CCDC40: variants seen among roughly 807,000 people sequenced by gnomAD.
CCDC40 encodes coiled-coil domain-containing protein 40.
CCDC40 carries 104 observed loss-of-function variants against 124.5 expected under a neutral mutation model. That is an observed-to-expected ratio of 0.84 (90% CI 0.71 to 0.98). The LOEUF (loss-of-function observed/expected upper bound fraction) is 0.98. Ranked by LOEUF, CCDC40 falls within the 50% of genes least tolerant of loss-of-function variation. The pLI is 0.00. For missense variants in CCDC40, 1,463 were observed against 1,503.9 expected (o/e 0.97, Z 0.45); for synonymous variants, 580 against 602.9 (o/e 0.96, Z 0.56).
chr17:80,046,532 CAAT>C (rs60431250), intron 3 of CCDC40, among the ~76,000 whole-genome samples: 29 of 147,340 alleles, frequency 2.0e-4, no homozygotes, highest in South Asian at 4.4e-4. Context: ...GACCCTTACT[CAAT>C]AATAATAATA....
intron 9 of CCDC40, among the ~76,000 whole-genome samples, chr17:80,064,114 G>A (rs969959390): frequency 2.6e-5 from 4 of 152,126 alleles, no homozygotes; most frequent in African/African-American, 9.7e-5. Flanking sequence ...CCCCCTCATC[G>A]TGGTATACTT....
At chr17:80,091,089 C>T (rs573933269) in intron 17 of CCDC40, among the ~76,000 whole-genome samples, 1 of 152,320 alleles carries the variant, frequency 6.6e-6, no homozygotes, top group African/African-American at 2.4e-5. Flanking sequence ...TCTCGGATCT[C>T]ACACAAATGC....
chr17:80,078,877 A>T (rs906192136), intron 10 of CCDC40, among the ~76,000 whole-genome samples: 1 of 152,030 alleles, frequency 6.6e-6, no homozygotes, highest in Non-Finnish European at 1.5e-5. Flanking sequence ...TTGAGGCCTT[A>T]ATAATATTAA....
intron 10 of CCDC40, 141 bp downstream of exon 10, chr17:80,065,747 C>A: frequency 1.8e-6 from 2 of 1,123,482 alleles, no homozygotes; most frequent in Non-Finnish European, 2.6e-6. Flanking sequence ...GGCTTCCGTC[C>A]GGAAAGCTCC....
At position 80,049,999 on chromosome 17, in the gene CCDC40, C is replaced by T. The variant is rs746953032; in HGVS notation, c.939+10C>T. On this transcript the variant is annotated intron_variant, in intron 6 of 19. Coordinates refer to ENST00000397545, the MANE Select transcript of CCDC40 (RefSeq NM_017950.4). ...GGACCTCCAAGAGCTGGTGTGTATC[C>T]GTCCAGTCTCCCACCCTGGTCGGAT... is the stretch of plus-strand genomic sequence containing the variant. 8 of 1,613,644 alleles carry T rather than the reference C, an allele frequency of 5.0e-6. No individual in the cohort carries two copies. The highest frequency in any genetic ancestry group is 1.7e-5 in the Admixed American group (1 of 60,000).
At chr17:80,063,856 G>A (rs2037966723) in intron 9 of CCDC40, among the ~76,000 whole-genome samples, 1 of 152,150 alleles carries the variant, frequency 6.6e-6, no homozygotes, top group Non-Finnish European at 1.5e-5. Flanking sequence ...GGTTTTGAAT[G>A]TTCCCAACTC....
chr17:80,048,561 G>A, intron 4 of CCDC40, 22 bp from the exon 5 acceptor site: 1 of 1,603,658 alleles, frequency 6.2e-7, no homozygotes, highest in Non-Finnish European at 8.5e-7. Context: ...CTCCTCAATG[G>A]TGTCGCTGTC....
intron 17 of CCDC40, chr17:80,090,544 T>C (rs1281572365): frequency 9.9e-6 from 15 of 1,515,718 alleles, no homozygotes; most frequent in Non-Finnish European, 1.3e-5. Context: ...CACAGCACGC[T>C]GGTATTTTTA....
At chr17:80,037,869 T>C (rs1598472568) in intron 1 of CCDC40, 17 of 399,114 alleles carry the variant, frequency 4.3e-5, no homozygotes, top group South Asian at 3.4e-4. Context: ...GATCTAATCC[T>C]GCTGTTCCTT....
chr17:80,078,038 C>T (rs1344783801), intron 10 of CCDC40, among the ~76,000 whole-genome samples: 2 of 152,074 alleles, frequency 1.3e-5, no homozygotes, highest in African/African-American at 4.8e-5. Context: ...TAAGAAATCT[C>T]TAAGGGTCAG....
chr17:80,088,851 C>T (rs1159934420), intron 16 of CCDC40, among the ~76,000 whole-genome samples: 2 of 152,162 alleles, frequency 1.3e-5, no homozygotes, highest in Admixed American at 1.3e-4. Context: ...GGAACCCACC[C>T]TAGTGGATCC....
rs762301710 is a variant in CCDC40, at chr17:80,084,973, G to T, written c.2220G>T (p.Met740Ile). Reference sequence around the variant, plus strand: ...TCCTCAACAAGCAGCTGGAGCGGATGGTCTCCGAGCTGGGGGTGAGGTCCC... The same window carrying T: ...TCCTCAACAAGCAGCTGGAGCGGATTGTCTCCGAGCTGGGGGTGAGGTCCC... ...INFLNKQLERMVSELGGEEVG... is the reference protein window; with the variant it reads ...INFLNKQLERIVSELGGEEVG... The change falls in exon 13 of 20, where the codon ATG (methionine) becomes ATT (isoleucine). Residue 740 changes from methionine to isoleucine, a missense_variant. Transcript: ENST00000397545. The T allele has an allele frequency of 6.2e-7, 1 of 1,613,744 alleles. No homozygotes were observed. Among genetic ancestry groups the T allele is most frequent in the South Asian group, 1.1e-5 (1 of 91,062 alleles).
At chr17:80,072,410 C>G (rs1347642144) in intron 10 of CCDC40, among the ~76,000 whole-genome samples, 1 of 152,150 alleles carries the variant, frequency 6.6e-6, no homozygotes, top group Admixed American at 6.5e-5. Flanking sequence ...CTCAGGCACA[C>G]ATTTCCCCGA....
chr17:80,090,674 C>G lies in CCDC40; in HGVS notation c.2832+790C>G, dbSNP rs1011938284. On this transcript the variant is annotated intron_variant, in intron 17 of 19. Coordinates refer to ENST00000397545, the MANE Select transcript of CCDC40 (RefSeq NM_017950.4). ...CTCATCCTTCACAGCCGCGTTGTCT[C>G]TCCATGGTCACAATTAGATTTCATT... is the stretch of plus-strand genomic sequence containing the variant. 1.3e-5 allele frequency: 18 copies of G among 1,431,764 alleles called. No individual in the cohort carries two copies. The African/African-American group carries it at 2.4e-4, about 19-fold the overall frequency. The allele number at this position is 1,431,764 out of a possible 1,614,324, so 88.7% of individuals were successfully genotyped here.
intron 9 of CCDC40, among the ~76,000 whole-genome samples, chr17:80,063,161 C>T (rs1423476022): frequency 1.3e-5 from 2 of 151,816 alleles, no homozygotes; most frequent in Non-Finnish European, 2.9e-5. Flanking sequence ...TGCCATTTTG[C>T]TCCAGCCTGG....
In CCDC40 at chr17:80,050,531, C is replaced by G. The variant is rs1335243413; in HGVS notation, c.1159+248C>G. 2.6e-5 allele frequency among the ~76,000 whole-genome samples: 4 copies of G among 152,202 alleles called. No homozygotes were observed. The South Asian group carries it at 8.3e-4, about 31-fold the overall frequency. On this transcript the variant is annotated intron_variant, in intron 7 of 19. Coordinates refer to ENST00000397545, the MANE Select transcript of CCDC40 (RefSeq NM_017950.4). ...CGATCTTGGCTCACTGCAACCTCCC[C>G]CTTCCGGGATCAAGCCAGTCTCCTG...
chr17:80,040,043 GC>G lies in CCDC40; in HGVS notation c.326del (p.Ala109ValfsTer58). 6.2e-7 allele frequency: 1 copy of G among 1,614,100 alleles called. No individual in the cohort carries two copies. Among genetic ancestry groups the G allele is most frequent in the Non-Finnish European group, 8.5e-7 (1 of 1,179,910 alleles). On this transcript the variant is annotated frameshift_variant, in exon 3 of 20. Transcript: ENST00000397545. LOFTEE classifies it high-confidence loss of function. ...ETSSPEGQIS[A>X]ADTTYPYFSP... is the part of the protein sequence containing the mutation. The stretch of plus-strand genomic sequence containing the variant: ...TTCATCCCCGGAAGGGCAAATCAGT[GC>G]TGCAGATACGACTTACCCGTATTTC...
rs1464741904 is a variant in CCDC40 at position 80,099,913 on chromosome 17, A to G, written c.*138A>G. The G allele has an allele frequency of 3.4e-5, 31 of 915,656 alleles. No individual in the cohort carries two copies. In the Admixed American group the frequency reaches 7.4e-4, roughly 22 times the overall value. The allele number at this position is 915,656 out of a possible 1,614,324, so 56.7% of individuals were successfully genotyped here. A position where few individuals can be genotyped will look rare whatever the true frequency, so the allele number is the denominator to read the frequency against. On this transcript the variant is annotated 3_prime_UTR_variant, in exon 20 of 20. Transcript: ENST00000397545. ...GGGCATCGTTTAAGAGAAATAAGCC[A>G]GCCCCACCCATAGGAATCTTTTTAG... is the stretch of plus-strand genomic sequence containing the variant.
rs749198923 is a variant in CCDC40, at chr17:80,058,587, T to C, written c.1253T>C (p.Met418Thr). Reference sequence around the variant, plus strand: ...GACATGCGTGACGACATCCGCGTGATGACACAAGTGGTAAAGAAGGCCGAG... The same window carrying C: ...GACATGCGTGACGACATCCGCGTGACGACACAAGTGGTAAAGAAGGCCGAG... ...DQDMRDDIRV[M>T]TQVVKKAETE... is the part of the protein sequence containing the mutation. The change falls in exon 8 of 20, where the codon ATG (methionine) becomes ACG (threonine). Residue 418 changes from methionine (M) to threonine (T), a missense_variant. Met to Thr is a moderately conservative substitution (Grantham distance 81). Transcript: ENST00000397545. The surrounding 1 kb of genome is among the most constrained non-coding windows in gnomAD (Gnocchi z 4.2). 1 of 1,614,194 alleles carries C rather than the reference T, an allele frequency of 6.2e-7. No individual in the cohort carries two copies. Among genetic ancestry groups the C allele is most frequent in the South Asian group, 1.1e-5 (1 of 91,082 alleles).
Sources: allele counts gnomAD v4.1 joint callset (sites outside exome capture counted in the v4.1 genomes callset), GRCh38; gene constraint gnomAD v4.1.1; non-coding constraint Gnocchi (gnomAD v3.1); transcripts MANE v1.5; gene names NCBI Gene and HGNC (gene_info 2026-07-23, HGNC 2026-07-21).